SETBP1: variants seen among roughly 807,000 people sequenced by gnomAD.
SETBP1 encodes the protein SET binding protein 1.
SETBP1 carries 9 observed loss-of-function variants against 101.0 expected under a neutral mutation model. The observed-to-expected ratio is 0.09, with a 90% CI of 0.05 to 0.16. The LOEUF is 0.16. Among genes scored for constraint, SETBP1 ranks in the 10% least tolerant of loss-of-function variants. The pLI is 1.00. For missense variants in SETBP1, 1,858 were observed against 2,033.8 expected, an observed-to-expected ratio of 0.91 and a Z score of 1.66; for synonymous variants, 818 against 788.5, an observed-to-expected ratio of 1.04 and a Z score of -0.63.
chr18:45,002,063 C>T (rs928805315), intron 4 of SETBP1, among the ~76,000 whole-genome samples: 3 of 152,162 alleles, frequency 2.0e-5, no homozygotes, highest in African/African-American at 7.2e-5. Flanking sequence ...AAAAGCTTCG[C>T]TTCCGTACAT....
intron 2 of SETBP1, among the ~76,000 whole-genome samples, chr18:44,710,525 C>T (rs2069314916): frequency 7.1e-6 from 1 of 140,176 alleles, no homozygotes; most frequent in Admixed American, 7.7e-5. Context: ...GTTTTTGGCT[C>T]ACTACAATTT....
intron 4 of SETBP1, among the ~76,000 whole-genome samples, chr18:45,018,815 G>A (rs187112086): frequency 2.0e-4 from 31 of 152,104 alleles, no homozygotes; most frequent in Non-Finnish European, 3.7e-4. Context: ...AACTGATTAC[G>A]AGCAAAATTT....
At chr18:44,768,977 C>T (rs889936160) in intron 2 of SETBP1, among the ~76,000 whole-genome samples, 1 of 152,144 alleles carries the variant, frequency 6.6e-6, no homozygotes, top group Non-Finnish European at 1.5e-5. Flanking sequence ...GTATAACATA[C>T]CTGCTTGTGG....
chr18:44,839,024 A>G (rs1309848449), intron 2 of SETBP1, among the ~76,000 whole-genome samples: 1 of 151,940 alleles, frequency 6.6e-6, no homozygotes, highest in Admixed American at 6.6e-5. Flanking sequence ...GGTTTGAAGG[A>G]TGAGACCCTG....
chr18:44,820,471 T>C (rs538701148), intron 2 of SETBP1, among the ~76,000 whole-genome samples: 1 of 152,280 alleles, frequency 6.6e-6, no homozygotes, highest in African/African-American at 2.4e-5. Context: ...TATGTCTCTG[T>C]CCTAAGCCTT....
intron 2 of SETBP1, among the ~76,000 whole-genome samples, chr18:44,740,266 C>A (rs2070066603): frequency 6.6e-6 from 1 of 152,062 alleles, no homozygotes; most frequent in African/African-American, 2.4e-5. Flanking sequence ...GGAAGGTTGC[C>A]CATTTTACCT....
At chr18:45,045,863 A>C (rs2073601672) in intron 5 of SETBP1, among the ~76,000 whole-genome samples, 1 of 151,976 alleles carries the variant, frequency 6.6e-6, no homozygotes. Flanking sequence ...GCTATTGTTG[A>C]TGTTGTCTGT....
intron 3 of SETBP1, among the ~76,000 whole-genome samples, chr18:44,933,047 A>T (rs1001736895): frequency 1.3e-5 from 2 of 152,294 alleles, no homozygotes; most frequent in Admixed American, 1.3e-4. Flanking sequence ...TAGAATTTTC[A>T]GCTTTTCAGT....
intron 3 of SETBP1, among the ~76,000 whole-genome samples, chr18:44,897,043 G>C (rs559889824): frequency 1.3e-5 from 2 of 152,156 alleles, no homozygotes; most frequent in African/African-American, 4.8e-5. Flanking sequence ...TTGAGACTTT[G>C]CTTCGCTTCT....
chr18:44,697,570 C>T (rs2069041149), intron 1 of SETBP1, among the ~76,000 whole-genome samples: 1 of 152,194 alleles, frequency 6.6e-6, no homozygotes, highest in South Asian at 2.1e-4. Context: ...ACCTTGAAAT[C>T]CTCCAAGCAC....
intron 2 of SETBP1, among the ~76,000 whole-genome samples, chr18:44,739,095 C>T (rs2070042978): frequency 6.6e-6 from 1 of 152,186 alleles, no homozygotes; most frequent in South Asian, 2.1e-4. Context: ...GAATCATTTT[C>T]AACCTGCCAT....
chr18:44,796,081 G>GA (rs1295056454), intron 2 of SETBP1, among the ~76,000 whole-genome samples: 1 of 152,188 alleles, frequency 6.6e-6, no homozygotes, highest in Non-Finnish European at 1.5e-5. Context: ...TCAAGCTGGT[G>GA]AAAAATGTGC....
At chr18:44,711,358 GCTTCCTTC>G (rs10539959) in intron 2 of SETBP1, among the ~76,000 whole-genome samples, 31 of 132,820 alleles carry the variant, frequency 2.3e-4, no homozygotes, top group South Asian at 8.1e-4. Flanking sequence ...CAGCTCGTTT[GCTTCCTTC>G]CTTCCTTCCT....
chr18:44,850,190 C>T (rs1298987623), intron 2 of SETBP1, among the ~76,000 whole-genome samples: 1 of 152,114 alleles, frequency 6.6e-6, no homozygotes, highest in African/African-American at 2.4e-5. Flanking sequence ...ATGGAATTTG[C>T]ATTCCAGTCA....
chr18:44,976,246 G>A lies in SETBP1; in HGVS notation c.4000+22906G>A, dbSNP rs538337673. 2.2e-4 allele frequency among the ~76,000 whole-genome samples: 34 copies of A among 152,302 alleles called. No homozygotes were observed. The South Asian group carries it at 6.0e-3, about 27-fold the overall frequency. On this transcript the variant is annotated intron_variant, in intron 4 of 5. Transcript: ENST00000649279. ...TGCTGAGGAACAGCAGAGGAGAGCC[G>A]CCGTGGGTTTTGGAGGCTCCTTGTT...
chr18:44,983,047 G>A (rs954971546), intron 4 of SETBP1, among the ~76,000 whole-genome samples: 3 of 152,130 alleles, frequency 2.0e-5, no homozygotes, highest in Admixed American at 2.0e-4. Flanking sequence ...AATATTTCCT[G>A]TGGACCCTCA....
chr18:44,898,699 A>C (rs1220212731), intron 3 of SETBP1, among the ~76,000 whole-genome samples: 2 of 152,148 alleles, frequency 1.3e-5, no homozygotes, highest in Admixed American at 1.3e-4. Context: ...AATTCCTTTT[A>C]GGATTAGAGG....
intron 2 of SETBP1, among the ~76,000 whole-genome samples, chr18:44,799,380 C>T (rs143832882): frequency 1.3e-5 from 2 of 152,086 alleles, no homozygotes; most frequent in East Asian, 3.9e-4. Context: ...GGTTTTTTTC[C>T]GAGAAGCCTT....
At chr18:44,835,125 A>G (rs6507586) in intron 2 of SETBP1, among the ~76,000 whole-genome samples, 22,143 of 151,986 alleles carry the variant, frequency 0.15, 2,408 homozygotes, top group African/African-American at 0.3. Context: ...GGGAGGTAAC[A>G]GAAGTCCTGT....
Sources: gnomAD v4.1 joint callset for allele counts (sites outside exome capture counted in the v4.1 genomes callset) on GRCh38, gnomAD v4.1.1 for gene constraint, MANE v1.5 for transcripts, NCBI Gene and HGNC (gene_info 2026-07-23, HGNC 2026-07-21) for gene names.